The following KIAA1671 variants were observed in gnomAD, a reference collection of about 807,000 sequenced individuals.
The protein encoded by KIAA1671 is uncharacterized protein KIAA1671.
In KIAA1671, 52 loss-of-function variants were observed where a neutral mutation model predicts 131.2. The observed-to-expected ratio is 0.40, with a 90% CI of 0.32 to 0.50. KIAA1671 has a LOEUF of 0.50. Among genes scored for constraint, KIAA1671 ranks in the 20% least tolerant of loss-of-function variants. The pLI is 0.73. For synonymous variants in KIAA1671, 1,003 were observed against 961.6 expected, an observed-to-expected ratio of 1.04 and a Z score of -0.80; for missense variants, 2,360 against 2,364.2, an observed-to-expected ratio of 1.00 and a Z score of 0.04.
At chr22:24,965,837 A>T (rs1420700552) in intron 1 of KIAA1671, among the ~76,000 whole-genome samples, 1 of 152,208 alleles carries the variant, frequency 6.6e-6, no homozygotes, top group Non-Finnish European at 1.5e-5. Flanking sequence ...CATAATGTAA[A>T]TCTTCCTTGC....
At position 25,185,002 on chromosome 22, in the gene KIAA1671, T is replaced by G. The variant is rs556148296; in HGVS notation, c.5225T>G (p.Val1742Gly). ...LKAQLHKRPE[V>G]DSPGETPSWA... is the part of the protein sequence containing the mutation. ...GCTCAGCTGCACAAGAGGCCAGAGG[T>G]GGACAGTCCTGGCGAGACCCCCAGC... The change falls in exon 11 of 13, where the codon GTG becomes GGG. Residue 1742 changes from valine (V) to glycine (G), a missense_variant. By Grantham distance (109) the Val-to-Gly change is moderately radical. Around this residue, in one of 3 missense-constraint regions of KIAA1671, gnomAD observed 1,161 missense variants for 1,204.7 expected, o/e 0.96. Transcript: ENST00000358431. 5 of 1,551,242 alleles carry G rather than the reference T, an allele frequency of 3.2e-6. No individual in the cohort carries two copies. The highest frequency in any genetic ancestry group is 2.6e-6 in the Non-Finnish European group (3 of 1,146,952).
At chr22:25,132,929 C>T (rs926545000) in intron 6 of KIAA1671, among the ~76,000 whole-genome samples, 5 of 152,030 alleles carry the variant, frequency 3.3e-5, no homozygotes, top group African/African-American at 1.2e-4. Context: ...GTGGCAGGCA[C>T]CTGTAATCCC....
At chr22:25,189,820 T>C (rs909110954) in intron 11 of KIAA1671, among the ~76,000 whole-genome samples, 2 of 152,186 alleles carry the variant, frequency 1.3e-5, no homozygotes, top group African/African-American at 2.4e-5. Flanking sequence ...CTGTGTTGCG[T>C]AGGCTGGTCT....
At chr22:25,027,880 T>C (rs1926036021) in intron 2 of KIAA1671, 65 bp from the exon 3 acceptor site, 5 of 800,962 alleles carry the variant, frequency 6.2e-6, no homozygotes, top group Non-Finnish European at 9.6e-6. Flanking sequence ...CTCTAAACCA[T>C]TCTGCTTCAA....
chr22:24,984,010 T>A (rs964435865), intron 1 of KIAA1671, among the ~76,000 whole-genome samples: 1 of 152,024 alleles, frequency 6.6e-6, no homozygotes, highest in African/African-American at 2.4e-5. Flanking sequence ...ACTCCCGACC[T>A]CAGGTGATCT....
At chr22:25,021,690 T>G (rs922258443) in intron 1 of KIAA1671, among the ~76,000 whole-genome samples, 7 of 152,140 alleles carry the variant, frequency 4.6e-5, no homozygotes, top group African/African-American at 1.4e-4. Flanking sequence ...ATACTTGACA[T>G]TTTGATTGGG....
chr22:25,113,129 C>T (rs932988387), intron 6 of KIAA1671, among the ~76,000 whole-genome samples: 2 of 152,176 alleles, frequency 1.3e-5, no homozygotes, highest in Non-Finnish European at 2.9e-5. Flanking sequence ...CAGAAACAAT[C>T]GTAAGGTCCT....
At chr22:24,955,197 A>T (rs1921629506) in intron 1 of KIAA1671, among the ~76,000 whole-genome samples, 1 of 152,234 alleles carries the variant, frequency 6.6e-6, no homozygotes, top group Non-Finnish European at 1.5e-5. Flanking sequence ...ACAGAGCCTC[A>T]CAGGGATATT....
chr22:25,001,183 G>A (rs1924450638), intron 1 of KIAA1671, among the ~76,000 whole-genome samples: 1 of 89,166 alleles, frequency 1.1e-5, no homozygotes, highest in South Asian at 4.3e-4. Flanking sequence ...GTATATATAC[G>A]TGTGTATATA....
At chr22:24,983,724 A>AGCTGGGGG (rs1335685780) in intron 1 of KIAA1671, among the ~76,000 whole-genome samples, 1 of 27,932 alleles carries the variant, frequency 3.6e-5, no homozygotes, top group African/African-American at 1.4e-4. Flanking sequence ...TGGGGGCTGA[A>AGCTGGGGG]GCTGGGGGTC....
Position 25,041,142 on chromosome 22 carries a change from G to T in KIAA1671, c.4012G>T (p.Val1338Phe). ...AAAGGCCTTTGCCAGTAAACATCAT[G>T]TTGCAAAGTGTCAGAATTACCTGGC... ...DRKAFASKHHVAKCQNYLAES... is the reference protein window; with the variant it reads ...DRKAFASKHHFAKCQNYLAES... Residue 1338 changes from valine (V) to phenylalanine (F), a missense_variant, in exon 5 of 13, where the codon GTT (valine) becomes TTT (phenylalanine). Coordinates refer to ENST00000358431, the MANE Select transcript of KIAA1671 (RefSeq NM_001145206.2). The T allele has an allele frequency of 6.4e-7, 1 of 1,551,222 alleles. No homozygotes were observed. The highest frequency in any genetic ancestry group is 1.2e-5 in the South Asian group (1 of 84,024).
chr22:25,003,829 G>A (rs1457378715), intron 1 of KIAA1671, among the ~76,000 whole-genome samples: 1 of 151,548 alleles, frequency 6.6e-6, no homozygotes, highest in Non-Finnish European at 1.5e-5. Context: ...ATAGAAAATA[G>A]GATTTTTTTT....
intron 1 of KIAA1671, among the ~76,000 whole-genome samples, chr22:24,968,802 G>T (rs1359625084): frequency 1.3e-5 from 2 of 152,268 alleles, no homozygotes; most frequent in East Asian, 3.9e-4. Flanking sequence ...GGCATGAGAT[G>T]ACTCTCTTTT....
chr22:25,128,244 C>G (rs1374077007), intron 6 of KIAA1671, among the ~76,000 whole-genome samples: 3 of 152,112 alleles, frequency 2.0e-5, no homozygotes, highest in Admixed American at 1.3e-4. Context: ...GAGATGGTTA[C>G]GTGGACACCG....
At chr22:25,017,762 T>G (rs1925406795) in intron 1 of KIAA1671, among the ~76,000 whole-genome samples, 1 of 152,198 alleles carries the variant, frequency 6.6e-6, no homozygotes, top group Non-Finnish European at 1.5e-5. Context: ...TCACCCTGAC[T>G]AAAACCATCT....
At chr22:25,181,576 T>C in intron 9 of KIAA1671, 123 bp from the exon 10 acceptor site, 1 of 1,181,214 alleles carries the variant, frequency 8.5e-7, no homozygotes, top group Non-Finnish European at 1.2e-6. Context: ...AAATGGGCCA[T>C]AGCGTCTTCT....
intron 1 of KIAA1671, among the ~76,000 whole-genome samples, chr22:24,973,249 G>A (rs903032424): frequency 1.3e-5 from 2 of 152,158 alleles, no homozygotes; most frequent in African/African-American, 4.8e-5. Context: ...GGGCAGAAGT[G>A]GAGGCCCGGA....
chr22:25,181,809 C>T lies in KIAA1671; in HGVS notation c.5185C>T (p.Pro1729Ser). The T allele has an allele frequency of 6.4e-7, 1 of 1,551,536 alleles. No homozygotes were observed. The highest frequency in any genetic ancestry group is 8.7e-7 in the Non-Finnish European group (1 of 1,146,934). The change falls in exon 10 of 13, where the codon CCG (proline) becomes TCG (serine). Residue 1729 changes from proline (P) to serine (S), a missense_variant. Around this residue, in one of 3 missense-constraint regions of KIAA1671, gnomAD observed 1,161 missense variants for 1,204.7 expected, o/e 0.96. Coordinates refer to ENST00000358431, the MANE Select transcript of KIAA1671 (RefSeq NM_001145206.2). ...QRMPAFPGMD[P>S]AVLKAQLHKR... ...GATGCCTGCGTTTCCAGGCATGGAT[C>T]CGGCAGTGCTAAAGGTACCAGACCT...
chr22:24,968,042 G>A (rs1289044955), intron 1 of KIAA1671, among the ~76,000 whole-genome samples: 7 of 152,206 alleles, frequency 4.6e-5, no homozygotes, highest in African/African-American at 1.7e-4. Context: ...TTGGCAACCA[G>A]TAGACCACCT....
Sources: allele counts gnomAD v4.1 joint callset (sites outside exome capture counted in the v4.1 genomes callset), GRCh38; gene constraint gnomAD v4.1.1; regional missense constraint gnomAD v4.1.1; transcripts MANE v1.5; gene names NCBI Gene and HGNC (gene_info 2026-07-23, HGNC 2026-07-21).